ROBO2: variants seen among roughly 807,000 people sequenced by gnomAD.
ROBO2 encodes the protein roundabout guidance receptor 2, also known as roundabout homolog 2.
In ROBO2, 53 loss-of-function variants were observed where a neutral mutation model predicts 160.8. The ratio of observed to expected loss-of-function variants is 0.33; its 90% CI spans 0.26 to 0.41. The LOEUF (loss-of-function observed/expected upper bound fraction) is 0.41, where lower values mean the gene tolerates loss of function less well. Among genes scored for constraint, ROBO2 ranks in the 10% least tolerant of loss-of-function variants. The probability of loss-of-function intolerance (pLI) is 1.00; values close to 1 mark genes in which losing one functional copy is unlikely to be tolerated. For synonymous variants in ROBO2, 664 were observed against 611.7 expected, an observed-to-expected ratio of 1.09 and a Z score of -1.26; for missense variants, 1,577 against 1,722.4, an observed-to-expected ratio of 0.92 and a Z score of 1.49.
intron 2 of ROBO2, among the ~76,000 whole-genome samples, chr3:76,141,745 G>A (rs1275798395): frequency 6.6e-6 from 1 of 151,916 alleles, no homozygotes; most frequent in East Asian, 1.9e-4. Context: ...GGCATAGGGG[G>A]AATGTGGCTT....
intron 2 of ROBO2, among the ~76,000 whole-genome samples, chr3:77,281,980 G>C (rs1367290717): frequency 1.3e-5 from 2 of 152,192 alleles, no homozygotes; most frequent in Admixed American, 1.3e-4. Context: ...CCACAGACCA[G>C]TATGAGTCCC....
intron 22 of ROBO2, among the ~76,000 whole-genome samples, chr3:77,621,814 G>A (rs2094906638): frequency 6.6e-6 from 1 of 152,110 alleles, no homozygotes; most frequent in Admixed American, 6.6e-5. Context: ...TTCTTCATAA[G>A]GGCCAGCAGG....
chr3:76,592,442 A>G (rs1366655835), intron 2 of ROBO2, among the ~76,000 whole-genome samples: 4 of 152,126 alleles, frequency 2.6e-5, no homozygotes, highest in African/African-American at 9.7e-5. Flanking sequence ...CATATTTGCT[A>G]TGCTGTTCAT....
At chr3:76,232,858 T>C (rs1490664499) in intron 2 of ROBO2, among the ~76,000 whole-genome samples, 1 of 152,190 alleles carries the variant, frequency 6.6e-6, no homozygotes, top group Admixed American at 6.5e-5. Flanking sequence ...ACTCTCAGTA[T>C]ATAGCCCAGC....
chr3:75,913,057 G>A (rs554113618), intron 1 of ROBO2, among the ~76,000 whole-genome samples: 1 of 152,264 alleles, frequency 6.6e-6, no homozygotes, highest in East Asian at 1.9e-4. Flanking sequence ...CTGCAGTGTT[G>A]GTTCCTTCTG....
At chr3:77,328,062 C>CAAAAAAAAAAAAA (rs57829219) in intron 2 of ROBO2, among the ~76,000 whole-genome samples, 1 of 112,850 alleles carries the variant, frequency 8.9e-6, no homozygotes, top group African/African-American at 3.7e-5. Flanking sequence ...GACCGTATCT[C>CAAAAAAAAAAAAA]AAAAAAAAAA....
intron 2 of ROBO2, among the ~76,000 whole-genome samples, chr3:77,345,039 G>A (rs1375437751): frequency 1.3e-5 from 2 of 151,878 alleles, no homozygotes; most frequent in East Asian, 3.9e-4. Flanking sequence ...AGTTTATGTG[G>A]GTCAATAATT....
At chr3:77,600,736 A>T (rs187586734) in intron 19 of ROBO2, among the ~76,000 whole-genome samples, 31 of 152,318 alleles carry the variant, frequency 2.0e-4, no homozygotes. Flanking sequence ...GATATACTAC[A>T]TATTAAAAGT....
At chr3:77,211,370 G>C (rs1308647329) in intron 2 of ROBO2, among the ~76,000 whole-genome samples, 3 of 152,122 alleles carry the variant, frequency 2.0e-5, no homozygotes, top group African/African-American at 7.2e-5. Flanking sequence ...TGTGTCTTTT[G>C]GCTGCATAAA....
chr3:77,649,245 A>G (rs1291866386), exon 26 of ROBO2: 1 of 152,248 alleles, frequency 6.6e-6, no homozygotes, highest in Admixed American at 6.5e-5. Flanking sequence ...TGCGTTGAGT[A>G]CAAAACAGAT....
At chr3:77,584,019 G>A (rs976985591) in intron 16 of ROBO2, among the ~76,000 whole-genome samples, 1 of 152,148 alleles carries the variant, frequency 6.6e-6, no homozygotes, top group East Asian at 1.9e-4. Flanking sequence ...CGGTGAACAT[G>A]AGCTTAAACC....
chr3:76,499,393 A>T (rs1460554511), intron 2 of ROBO2, among the ~76,000 whole-genome samples: 3 of 152,342 alleles, frequency 2.0e-5, no homozygotes, highest in Admixed American at 6.5e-5. Context: ...GACACTCCTC[A>T]GCCCTAAGCT....
intron 2 of ROBO2, among the ~76,000 whole-genome samples, chr3:76,674,568 G>C (rs1259143308): frequency 1.3e-5 from 2 of 149,644 alleles, no homozygotes; most frequent in Non-Finnish European, 3.0e-5. Flanking sequence ...AATAGAGACT[G>C]TGTTTTCTAA....
intron 2 of ROBO2, among the ~76,000 whole-genome samples, chr3:77,428,481 C>T (rs969043013): frequency 1.1e-4 from 16 of 150,328 alleles, no homozygotes; most frequent in East Asian, 3.9e-4. Context: ...CTCAGCCTCC[C>T]GAGTAGCTGG....
intron 13 of ROBO2, among the ~76,000 whole-genome samples, chr3:77,570,916 C>G (rs560482684): frequency 6.6e-6 from 1 of 151,874 alleles, no homozygotes. Flanking sequence ...TTCGCTGTCC[C>G]CCTTCTCACC....
At chr3:76,848,991 G>T (rs1052256163) in intron 2 of ROBO2, among the ~76,000 whole-genome samples, 1 of 150,814 alleles carries the variant, frequency 6.6e-6, no homozygotes, top group African/African-American at 2.4e-5. Context: ...ATAAAATAAA[G>T]AAAAGTTATA....
intron 2 of ROBO2, among the ~76,000 whole-genome samples, chr3:76,789,160 C>T (rs990579686): frequency 2.6e-5 from 4 of 151,518 alleles, no homozygotes; most frequent in Non-Finnish European, 4.4e-5. Context: ...ACAAAGAACA[C>T]TGTATCCTTA....
intron 1 of ROBO2, among the ~76,000 whole-genome samples, chr3:77,093,322 A>G (rs1460160250): frequency 6.6e-6 from 1 of 152,108 alleles, no homozygotes; most frequent in Non-Finnish European, 1.5e-5. Context: ...GAGCTGTTTC[A>G]TGGCACTTCC....
chr3:76,154,469 T>C (rs781704058), intron 2 of ROBO2, among the ~76,000 whole-genome samples: 26 of 152,202 alleles, frequency 1.7e-4, no homozygotes, highest in Admixed American at 1.3e-4. Context: ...CAAAAGGATT[T>C]CAAGGTGCTC....
Sources: gnomAD v4.1 joint callset for allele counts (sites outside exome capture counted in the v4.1 genomes callset) on GRCh38, gnomAD v4.1.1 for gene constraint, MANE v1.5 for transcripts, NCBI Gene and HGNC (gene_info 2026-07-23, HGNC 2026-07-21) for gene names.